The following ULK2 variants were observed in gnomAD, a reference collection of about 807,000 sequenced individuals.
ULK2 encodes the protein serine/threonine-protein kinase ULK2.
In ULK2, 76 loss-of-function variants were observed where a neutral mutation model predicts 127.5. The observed-to-expected ratio is 0.60, with a 90% CI of 0.50 to 0.72. The LOEUF (loss-of-function observed/expected upper bound fraction) is 0.72. ULK2 is among the 30% of genes least tolerant of loss of function. The pLI, the probability that ULK2 is intolerant of heterozygous loss-of-function variation, is 0.00. For synonymous variants in ULK2, 452 were observed against 461.9 expected (o/e 0.98, Z 0.28); for missense variants, 1,144 against 1,295.9 (o/e 0.88, Z 1.80).
At chr17:19,849,865 T>C in intron 3 of ULK2, 91 bp from the exon 4 acceptor site, 1 of 753,112 alleles carries the variant, frequency 1.3e-6, no homozygotes, top group Non-Finnish European at 2.1e-6. Flanking sequence ...ACTTGTTCAT[T>C]ATTAAAACTG....
chr17:19,857,485 GA>G (rs1362380829), intron 3 of ULK2, among the ~76,000 whole-genome samples: 1 of 151,938 alleles, frequency 6.6e-6, no homozygotes, highest in African/African-American at 2.4e-5. Flanking sequence ...AATTCATTTG[GA>G]AATGATTTTG....
intron 3 of ULK2, among the ~76,000 whole-genome samples, chr17:19,862,496 C>T (rs1040747533): frequency 6.7e-6 from 1 of 149,064 alleles, no homozygotes; most frequent in Non-Finnish European, 1.5e-5. Flanking sequence ...GATGGAGTTT[C>T]GCTCGTTACC....
chr17:19,823,117 C>T (rs903205114), intron 12 of ULK2, among the ~76,000 whole-genome samples: 4 of 112,106 alleles, frequency 3.6e-5, no homozygotes, highest in African/African-American at 1.3e-4. Context: ...TGCCCAGGCA[C>T]GCCTGGCTAT....
At chr17:19,787,645 CAT>C (rs2087062819) in intron 20 of ULK2, among the ~76,000 whole-genome samples, 1 of 152,194 alleles carries the variant, frequency 6.6e-6, no homozygotes, top group South Asian at 2.1e-4. Context: ...TTTTCAAAGA[CAT>C]AAAATTACAA....
chr17:19,785,886 A>G (rs2087017797), intron 21 of ULK2, 51 bp downstream of exon 21: 1 of 1,575,516 alleles, frequency 6.3e-7, no homozygotes, highest in Non-Finnish European at 8.6e-7. Flanking sequence ...TTGTCAAAAC[A>G]CTACATTCCA....
rs1433648850 is a variant in ULK2 at position 19,775,173 on chromosome 17, C to T, written c.*1176G>A. On this transcript the variant is annotated 3_prime_UTR_variant, in exon 27 of 27. Transcript: ENST00000395544. ...GTAAAAGAAACCAAGTAATACACAACGTAGGAACCATTCCTGGAGGGATAT... is the reference window on the plus strand; with the variant it reads ...GTAAAAGAAACCAAGTAATACACAATGTAGGAACCATTCCTGGAGGGATAT... 4.6e-5 allele frequency: 7 copies of T among 152,606 alleles called. No individual in the cohort carries two copies. The highest frequency in any genetic ancestry group is 7.3e-5 in the Non-Finnish European group (5 of 68,030). 9.5% of individuals were successfully genotyped at this position (152,606 alleles called of 1,614,324 possible). A position where few individuals can be genotyped will look rare whatever the true frequency, so the allele number is the denominator to read the frequency against.
chr17:19,783,062 A>C (rs2086953404), intron 22 of ULK2, among the ~76,000 whole-genome samples: 1 of 152,246 alleles, frequency 6.6e-6, no homozygotes, highest in Non-Finnish European at 1.5e-5. Flanking sequence ...AATAAAGATG[A>C]GAATCATTTT....
At chr17:19,796,771 C>G (rs184392035) in intron 18 of ULK2, among the ~76,000 whole-genome samples, 1 of 152,274 alleles carries the variant, frequency 6.6e-6, no homozygotes, top group African/African-American at 2.4e-5. Context: ...ATTTTTTCAT[C>G]CATTACTTGG....
At chr17:19,777,080 T>TCTAC (rs1555549713) in intron 26 of ULK2, among the ~76,000 whole-genome samples, 1 of 152,100 alleles carries the variant, frequency 6.6e-6, no homozygotes, top group Admixed American at 6.6e-5. Flanking sequence ...TATGTATGTA[T>TCTAC]CTACCTACCT....
At chr17:19,791,001 T>C (rs1216978770) in intron 20 of ULK2, among the ~76,000 whole-genome samples, 2 of 152,134 alleles carry the variant, frequency 1.3e-5, no homozygotes, top group East Asian at 1.9e-4. Flanking sequence ...CATACAGATA[T>C]ATAAAGCAAA....
chr17:19,794,082 T>C (rs775263652), intron 20 of ULK2, among the ~76,000 whole-genome samples: 2 of 152,190 alleles, frequency 1.3e-5, no homozygotes, highest in Non-Finnish European at 2.9e-5. Flanking sequence ...ATGCCTTTGA[T>C]GGACTCATCA....
intron 14 of ULK2, among the ~76,000 whole-genome samples, chr17:19,805,871 A>C (rs1157956030): frequency 6.6e-6 from 1 of 152,232 alleles, no homozygotes; most frequent in African/African-American, 2.4e-5. Flanking sequence ...AAAACCTTTA[A>C]GTGTTCAACC....
rs368757992 is a variant in ULK2 at position 19,861,284 on chromosome 17, C to T, written c.225+3519G>A. On this transcript the variant is annotated intron_variant, in intron 3 of 26. Coordinates refer to ENST00000395544, the MANE Select transcript of ULK2 (RefSeq NM_014683.4). ...AAGCAAGGCCGGGCGCGGTGGCTCACGCCTGTTATCCCAGCACTTTGGGAG... is the reference window on the plus strand; with the variant it reads ...AAGCAAGGCCGGGCGCGGTGGCTCATGCCTGTTATCCCAGCACTTTGGGAG... 3.5e-4 allele frequency among the ~76,000 whole-genome samples: 53 copies of T among 152,258 alleles called. No homozygotes were observed. The East Asian group carries it at 7.0e-3, about 20-fold the overall frequency.
intron 3 of ULK2, among the ~76,000 whole-genome samples, chr17:19,862,830 C>T (rs2042271352): frequency 6.6e-6 from 1 of 152,100 alleles, no homozygotes; most frequent in Non-Finnish European, 1.5e-5. Flanking sequence ...CCCACTAAAA[C>T]TAAACATATT....
At chr17:19,822,491 A>G (rs935428130) in intron 12 of ULK2, among the ~76,000 whole-genome samples, 4 of 150,406 alleles carry the variant, frequency 2.7e-5, no homozygotes, top group Non-Finnish European at 5.9e-5. Context: ...CCTCCTGAGT[A>G]TCTGGGATTA....
At chr17:19,813,808 T>A (rs1431774803) in intron 13 of ULK2, among the ~76,000 whole-genome samples, 1 of 152,156 alleles carries the variant, frequency 6.6e-6, no homozygotes, top group Non-Finnish European at 1.5e-5. Flanking sequence ...GAAACCTAAA[T>A]AAGTGGAGAA....
intron 19 of ULK2, 142 bp from the exon 20 acceptor site, chr17:19,795,867 A>G (rs2087257686): frequency 1.1e-6 from 1 of 935,858 alleles, no homozygotes; most frequent in Admixed American, 2.7e-5. Flanking sequence ...AATACAAATA[A>G]AGGACAGAAA....
intron 10 of ULK2, among the ~76,000 whole-genome samples, chr17:19,832,644 A>G (rs775246972): frequency 5.9e-5 from 9 of 152,158 alleles, no homozygotes; most frequent in Non-Finnish European, 1.3e-4. Context: ...TCAAAGCACC[A>G]CCTTTGACCA....
intron 12 of ULK2, among the ~76,000 whole-genome samples, chr17:19,817,551 GAAGAA>G (rs1243996959): frequency 6.6e-6 from 1 of 152,146 alleles, no homozygotes; most frequent in Non-Finnish European, 1.5e-5. Context: ...GATAGGAAGG[GAAGAA>G]AAGCATGTAA....
Sources: allele counts gnomAD v4.1 joint callset (sites outside exome capture counted in the v4.1 genomes callset), GRCh38; gene constraint gnomAD v4.1.1; transcripts MANE v1.5; gene names NCBI Gene and HGNC (gene_info 2026-07-23, HGNC 2026-07-21).